The following DUSP13B variants were observed in gnomAD, a reference collection of about 807,000 sequenced individuals.
DUSP13B encodes the protein dual specificity protein phosphatase 13B.
chr10:75,096,495 T>C, the DUSP13B span, among the ~76,000 whole-genome samples: 3 of 150,872 alleles, frequency 2.0e-5, no homozygotes, highest in Non-Finnish European at 2.9e-5. Flanking sequence ...GAGAATCACC[T>C]GAGCCTGGGA....
the DUSP13B span, chr10:75,109,111 G>A: frequency 1.1e-5 from 17 of 1,611,548 alleles, no homozygotes; most frequent in Non-Finnish European, 1.2e-5. Context: ...GGGGCAAGGC[G>A]TGGCTTTGTC....
chr10:75,098,204 T>A, the DUSP13B span, among the ~76,000 whole-genome samples: 1 of 152,180 alleles, frequency 6.6e-6, no homozygotes, highest in Non-Finnish European at 1.5e-5. Context: ...TCAGTGCAGA[T>A]CTCATCCCTA....
chr10:75,097,821 G>A, the DUSP13B span: 1 of 1,613,940 alleles, frequency 6.2e-7, no homozygotes, highest in Non-Finnish European at 8.5e-7. Context: ...GGCTGGTAGG[G>A]AGATGCCTGG....
chr10:75,108,148 C>A, the DUSP13B span: 1 of 1,612,990 alleles, frequency 6.2e-7, no homozygotes, highest in Non-Finnish European at 8.5e-7. Context: ...CCCTTGTGGG[C>A]GGCGTTCAGC....
chr10:75,094,716 A>C, the DUSP13B span: 1 of 1,614,092 alleles, frequency 6.2e-7, no homozygotes, highest in Non-Finnish European at 8.5e-7. Context: ...GTTGTCCAGA[A>C]CCTGGAGCTG....
At chr10:75,099,450 G>A in the DUSP13B span, 10 of 1,232,590 alleles carry the variant, frequency 8.1e-6, no homozygotes, top group South Asian at 4.1e-4. Flanking sequence ...CCTGGGGCCG[G>A]GAATGGGGGA....
At chr10:75,103,214 A>T in the DUSP13B span, among the ~76,000 whole-genome samples, 1 of 152,230 alleles carries the variant, frequency 6.6e-6, no homozygotes. Context: ...GCCAAAAATC[A>T]CATGTAAACT....
the DUSP13B span, chr10:75,094,870 G>T: frequency 1.1e-5 from 17 of 1,613,918 alleles, no homozygotes; most frequent in Admixed American, 3.3e-5. Context: ...CAGTGTACCA[G>T]CACGCGGCCT....
the DUSP13B span, chr10:75,095,864 G>T: frequency 6.6e-7 from 1 of 1,515,042 alleles, no homozygotes; most frequent in Non-Finnish European, 9.1e-7. Context: ...TGGCTGGGTT[G>T]AAGTTTGCAA....
the DUSP13B span, chr10:75,097,844 A>G: frequency 1.4e-5 from 22 of 1,612,516 alleles, no homozygotes; most frequent in African/African-American, 2.7e-4. Context: ...TGCCCCATGG[A>G]TCTTGGGCCT....
At chr10:75,107,639 T>G in the DUSP13B span, among the ~76,000 whole-genome samples, 9 of 152,192 alleles carry the variant, frequency 5.9e-5, no homozygotes, top group East Asian at 1.7e-3. Context: ...TGAAGTGGCA[T>G]GATCTCGGCT....
chr10:75,106,337 C>T, the DUSP13B span, among the ~76,000 whole-genome samples: 6 of 151,964 alleles, frequency 3.9e-5, no homozygotes, highest in African/African-American at 1.5e-4. Flanking sequence ...GAGGAACTTG[C>T]AGTTCCTTGA....
the DUSP13B span, chr10:75,105,786 C>T: frequency 6.4e-7 from 1 of 1,551,148 alleles, no homozygotes; most frequent in Non-Finnish European, 8.7e-7. Flanking sequence ...GGCGCAGGGA[C>T]AGCCGCTGGT....
the DUSP13B span, among the ~76,000 whole-genome samples, chr10:75,098,218 C>T: frequency 1.3e-5 from 2 of 152,142 alleles, no homozygotes; most frequent in African/African-American, 4.8e-5. Flanking sequence ...ATCCCTAAAT[C>T]AGCTTGGACT....
At chr10:75,099,249 C>A in the DUSP13B span, 4 of 1,232,150 alleles carry the variant, frequency 3.2e-6, no homozygotes, top group African/African-American at 6.2e-5. Context: ...CTGGGAAGAA[C>A]ATCTTTTCCC....
At chr10:75,095,173 C>T in the DUSP13B span, among the ~76,000 whole-genome samples, 3 of 152,206 alleles carry the variant, frequency 2.0e-5, no homozygotes, top group African/African-American at 7.2e-5. Flanking sequence ...CCTGAGGTCA[C>T]TGGGTTTGCA....
the DUSP13B span, among the ~76,000 whole-genome samples, chr10:75,100,409 A>G: frequency 6.6e-6 from 1 of 152,156 alleles, no homozygotes; most frequent in Non-Finnish European, 1.5e-5. Context: ...AGTCAGAGTC[A>G]GGCCCGGCCA....
At chr10:75,099,671 G>A in the DUSP13B span, 1 of 631,424 alleles carries the variant, frequency 1.6e-6, no homozygotes, top group Non-Finnish European at 2.2e-6. Flanking sequence ...GTATCTGTTT[G>A]GGATTGAAGA....
chr10:75,104,010 C>T, the DUSP13B span: 1 of 1,359,198 alleles, frequency 7.4e-7, no homozygotes. Context: ...TGTGTGTCCG[C>T]CTGGGCCAGA....
Sources: gnomAD v4.1 joint callset for allele counts (sites outside exome capture counted in the v4.1 genomes callset) on GRCh38, gnomAD v4.1.1 for gene constraint, MANE v1.5 for transcripts, NCBI Gene and HGNC (gene_info 2026-07-23, HGNC 2026-07-21) for gene names.